PAK1: variants seen among roughly 807,000 people sequenced by gnomAD.
PAK1 encodes serine/threonine-protein kinase PAK 1.
A neutral mutation model predicts 67.4 loss-of-function variants in PAK1; 29 were observed. The observed-to-expected ratio is 0.43, with a 90% confidence interval of 0.32 to 0.59. The LOEUF is 0.59. Among genes scored for constraint, PAK1 ranks in the 20% least tolerant of loss-of-function variants. PAK1 has a pLI of 0.07. For missense variants in PAK1, 337 were observed against 670.7 expected, an observed-to-expected ratio of 0.50 and a Z score of 5.50; for synonymous variants, 223 against 237.4, an observed-to-expected ratio of 0.94 and a Z score of 0.56.
At chr11:77,417,835 A>G (rs1433890278) in intron 1 of PAK1, among the ~76,000 whole-genome samples, 1 of 151,764 alleles carries the variant, frequency 6.6e-6, no homozygotes, top group Non-Finnish European at 1.5e-5. Flanking sequence ...CCCCGGTTCA[A>G]GCAATCCTCG....
At chr11:77,514,992 T>C in the PAK1 span, 3 of 152,192 alleles carry the variant, frequency 2.0e-5, no homozygotes, top group Non-Finnish European at 2.9e-5. Context: ...GAGGAAAATA[T>C]GAGAAAAGTC....
chr11:77,386,919 G>A (rs946593755), intron 2 of PAK1, among the ~76,000 whole-genome samples: 2 of 151,968 alleles, frequency 1.3e-5, no homozygotes, highest in African/African-American at 2.4e-5. Flanking sequence ...AATTACAGGT[G>A]CCCACTACCA....
At chr11:77,359,542 G>A (rs1946497748) in intron 5 of PAK1, among the ~76,000 whole-genome samples, 2 of 152,046 alleles carry the variant, frequency 1.3e-5, no homozygotes, top group Admixed American at 1.3e-4. Context: ...ATTACCAGGG[G>A]TCCTCACCTC....
chr11:77,429,228 A>G (rs1015335770), intron 1 of PAK1, among the ~76,000 whole-genome samples: 1 of 152,088 alleles, frequency 6.6e-6, no homozygotes. Flanking sequence ...ACAGAAGCCA[A>G]CTTCTGATTT....
chr11:77,484,142 A>C, the PAK1 span, among the ~76,000 whole-genome samples: 1 of 151,974 alleles, frequency 6.6e-6, no homozygotes, highest in African/African-American at 2.4e-5. Context: ...AAGCATTAGT[A>C]TAGAGAAAAC....
chr11:77,401,991 A>G (rs1952761197), intron 1 of PAK1, among the ~76,000 whole-genome samples: 1 of 152,214 alleles, frequency 6.6e-6, no homozygotes, highest in African/African-American at 2.4e-5. Flanking sequence ...AGCCTGGGTT[A>G]GCAGAAAAAA....
At chr11:77,375,972 T>G (rs1290653106) in intron 4 of PAK1, among the ~76,000 whole-genome samples, 1 of 152,182 alleles carries the variant, frequency 6.6e-6, no homozygotes, top group Non-Finnish European at 1.5e-5. Flanking sequence ...CTCTGACAAC[T>G]TGTTCTTATA....
At chr11:77,425,263 GGCTTTT>G (rs753483350) in intron 1 of PAK1, among the ~76,000 whole-genome samples, 3 of 148,694 alleles carry the variant, frequency 2.0e-5, no homozygotes, top group Non-Finnish European at 2.9e-5. Context: ...TTCAGACACA[GGCTTTT>G]GCTTTTTTTT....
chr11:77,462,860 A>G (rs1283307189), intron 1 of PAK1, among the ~76,000 whole-genome samples: 6 of 144,848 alleles, frequency 4.1e-5, no homozygotes, highest in African/African-American at 1.6e-4. Flanking sequence ...ATGTGTCTCA[A>G]AAAAAAAAAA....
At chr11:77,464,414 G>A (rs893186427) in intron 1 of PAK1, among the ~76,000 whole-genome samples, 1 of 152,084 alleles carries the variant, frequency 6.6e-6, no homozygotes, top group African/African-American at 2.4e-5. Context: ...ATCTGCAACT[G>A]TCCACTTGTA....
chr11:77,337,501 T>C, intron 11 of PAK1, 78 bp from the exon 12 acceptor site: 1 of 655,816 alleles, frequency 1.5e-6, no homozygotes, highest in East Asian at 2.8e-5. Flanking sequence ...AATCCACTAA[T>C]TCAACCTCTT....
intron 1 of PAK1, among the ~76,000 whole-genome samples, chr11:77,459,768 C>T (rs1302982522): frequency 6.7e-6 from 1 of 150,158 alleles, no homozygotes; most frequent in Non-Finnish European, 1.5e-5. Context: ...TCTCAGCTCA[C>T]TGCAAGCTCC....
At chr11:77,382,800 C>T (rs1048121401) in intron 2 of PAK1, among the ~76,000 whole-genome samples, 1 of 152,112 alleles carries the variant, frequency 6.6e-6, no homozygotes, top group Non-Finnish European at 1.5e-5. Flanking sequence ...GAGTTCAAGA[C>T]CAGCCTGGCC....
chr11:77,330,189 C>T (rs906151207), intron 14 of PAK1, among the ~76,000 whole-genome samples: 22 of 152,228 alleles, frequency 1.4e-4, no homozygotes, highest in Middle Eastern at 3.4e-3. Context: ...GAATCAATAT[C>T]GTGAAAATGG....
chr11:77,341,964 G>C (rs1172546711), intron 10 of PAK1, among the ~76,000 whole-genome samples: 1 of 152,144 alleles, frequency 6.6e-6, no homozygotes, highest in Non-Finnish European at 1.5e-5. Context: ...AATCTCTTTT[G>C]AGAGAGAAGA....
intron 14 of PAK1, among the ~76,000 whole-genome samples, chr11:77,326,730 C>G (rs1939995730): frequency 6.6e-6 from 1 of 152,078 alleles, no homozygotes; most frequent in Non-Finnish European, 1.5e-5. Flanking sequence ...ATCAGAGCGC[C>G]TCTCCTCCTC....
intron 11 of PAK1, among the ~76,000 whole-genome samples, chr11:77,338,476 T>C (rs1204189967): frequency 6.6e-6 from 1 of 152,068 alleles, no homozygotes; most frequent in Non-Finnish European, 1.5e-5. Flanking sequence ...GAAAAAGAAT[T>C]ATCTTGAGAA....
At chr11:77,492,363 A>C in the PAK1 span, among the ~76,000 whole-genome samples, 148 of 151,974 alleles carry the variant, frequency 9.7e-4, no homozygotes, top group African/African-American at 3.5e-3. Context: ...AACAACAAAA[A>C]AAAAAACTCA....
chr11:77,518,612 TGA>T, the PAK1 span, among the ~76,000 whole-genome samples: 1 of 152,044 alleles, frequency 6.6e-6, no homozygotes, highest in Non-Finnish European at 1.5e-5. Context: ...ATGAGATGTG[TGA>T]GAGAGAAAAT....
Sources: gnomAD v4.1 joint callset for allele counts (sites outside exome capture counted in the v4.1 genomes callset) on GRCh38, gnomAD v4.1.1 for gene constraint, MANE v1.5 for transcripts, NCBI Gene and HGNC (gene_info 2026-07-23, HGNC 2026-07-21) for gene names.